EZH2: variants seen among roughly 807,000 people sequenced by gnomAD.
EZH2 encodes enhancer of zeste 2 polycomb repressive complex 2 subunit, also known as histone-lysine N-methyltransferase EZH2.
In EZH2, 18 loss-of-function variants were observed where a neutral mutation model predicts 98.4. The observed-to-expected ratio is 0.18, with a 90% CI of 0.13 to 0.27. The LOEUF is 0.27. EZH2 is among the 10% of genes least tolerant of loss of function. EZH2 has a pLI of 1.00. For missense variants in EZH2, 470 were observed against 935.1 expected (o/e 0.50, Z 6.49); for synonymous variants, 338 against 312.3 (o/e 1.08, Z -0.87).
At chr7:148,819,037 A>G (rs1299912882) in intron 9 of EZH2, 1 of 456,640 alleles carries the variant, frequency 2.2e-6, no homozygotes, top group Admixed American at 2.3e-5. Context: ...ATATATACCC[A>G]TTTAGTTCCT....
intron 3 of EZH2, among the ~76,000 whole-genome samples, chr7:148,833,326 G>A (rs1055325118): frequency 8.9e-4 from 135 of 151,658 alleles, no homozygotes; most frequent in African/African-American, 2.8e-3. Flanking sequence ...GCATGGTGGC[G>A]CGCGCCTGTA....
At chr7:148,848,491 A>T (rs1014167261) in intron 1 of EZH2, among the ~76,000 whole-genome samples, 6 of 152,180 alleles carry the variant, frequency 3.9e-5, no homozygotes, top group African/African-American at 1.4e-4. Context: ...TTACATAAAA[A>T]CTTCATGCAC....
At chr7:148,859,849 T>G (rs1422196885) in intron 1 of EZH2, among the ~76,000 whole-genome samples, 1 of 152,220 alleles carries the variant, frequency 6.6e-6, no homozygotes, top group Non-Finnish European at 1.5e-5. Context: ...TTTACAGAAT[T>G]TTGATCAGGC....
In EZH2 at chr7:148,826,518, A is replaced by G; in HGVS notation, c.843T>C (p.Phe281=). 6.2e-7 allele frequency: 1 copy of G among 1,606,058 alleles called. No homozygotes were observed. The highest frequency in any genetic ancestry group is 1.7e-4 in the Middle Eastern group (1 of 6,038). The part of the protein sequence containing the change: ...SVQREQSLHS[F]HTLFCRRCFK... ...AACATCGCCTACAGAAAAGCGTATG[A>G]AAGGAGTGTAAGCTTTGCTCTCTCT... Residue 281 remains phenylalanine (F), a synonymous_variant, in exon 8 of 20, where the codon TTT becomes TTC. Coordinates refer to ENST00000320356, the MANE Select transcript of EZH2 (RefSeq NM_004456.5).
At chr7:148,849,560 G>A (rs999864493) in intron 1 of EZH2, among the ~76,000 whole-genome samples, 9 of 152,166 alleles carry the variant, frequency 5.9e-5, no homozygotes, top group African/African-American at 1.9e-4. Context: ...GTGTGGCCTT[G>A]CCTGCGAGTT....
intron 1 of EZH2, among the ~76,000 whole-genome samples, chr7:148,852,658 A>G (rs1816050497): frequency 6.6e-6 from 1 of 152,200 alleles, no homozygotes; most frequent in African/African-American, 2.4e-5. Flanking sequence ...CTTGGAGAAG[A>G]GCCTCAAAGA....
intron 1 of EZH2, among the ~76,000 whole-genome samples, chr7:148,875,636 C>CA (rs1491217310): frequency 6.6e-6 from 1 of 152,190 alleles, no homozygotes. Flanking sequence ...GTAACTCCTG[C>CA]ACAGTTACAA....
intron 8 of EZH2, among the ~76,000 whole-genome samples, chr7:148,824,647 T>A (rs905937087): frequency 9.2e-5 from 14 of 152,346 alleles, no homozygotes; most frequent in Non-Finnish European, 1.8e-4. Flanking sequence ...TCTCCGTCCA[T>A]AAGTAATGCA....
At chr7:148,858,032 C>T (rs1380291129) in intron 1 of EZH2, among the ~76,000 whole-genome samples, 1 of 150,802 alleles carries the variant, frequency 6.6e-6, no homozygotes, top group African/African-American at 2.4e-5. Context: ...GTGGCTCACG[C>T]CTATAATCCC....
chr7:148,862,895 GTTTTT>G (rs914743757), intron 1 of EZH2, among the ~76,000 whole-genome samples: 1 of 149,542 alleles, frequency 6.7e-6, no homozygotes, highest in Non-Finnish European at 1.5e-5. Context: ...GTCCAACATG[GTTTTT>G]TTGTTTGTTT....
At chr7:148,811,499 C>A in intron 16 of EZH2, 126 bp downstream of exon 16, 1 of 726,338 alleles carries the variant, frequency 1.4e-6, no homozygotes, top group Non-Finnish European at 2.2e-6. Context: ...GAAGTCCAGG[C>A]TGAAAAGGCA....
chr7:148,839,053 T>TAATGAAGGAAGG (rs1811649773), intron 3 of EZH2, among the ~76,000 whole-genome samples: 1 of 107,744 alleles, frequency 9.3e-6, no homozygotes, highest in African/African-American at 3.7e-5. Context: ...CTCTGTCAAA[T>TAATGAAGGAAGG]AAGGAAGGAA....
At chr7:148,863,863 G>A (rs1450482290) in intron 1 of EZH2, among the ~76,000 whole-genome samples, 1 of 152,164 alleles carries the variant, frequency 6.6e-6, no homozygotes, top group East Asian at 1.9e-4. Context: ...TAAATCCTGT[G>A]AGAGATCTAT....
intron 1 of EZH2, among the ~76,000 whole-genome samples, chr7:148,851,121 G>A (rs970021044): frequency 1.3e-5 from 2 of 152,078 alleles, no homozygotes; most frequent in Admixed American, 1.3e-4. Context: ...TATCTTATCA[G>A]CATATCATTT....
chr7:148,828,692 T>G, intron 6 of EZH2, 48 bp downstream of exon 6: 1 of 1,577,144 alleles, frequency 6.3e-7, no homozygotes, highest in Non-Finnish European at 8.6e-7. Context: ...CTACTGTTTT[T>G]GAAAGAAAGC....
intron 1 of EZH2, among the ~76,000 whole-genome samples, chr7:148,848,220 T>C (rs2129485661): frequency 6.6e-6 from 1 of 152,308 alleles, no homozygotes. Context: ...AAGCCACTTT[T>C]AGTGTTTTAA....
chr7:148,813,485 TAAAC>T (rs1311415444), intron 15 of EZH2, among the ~76,000 whole-genome samples: 5 of 151,946 alleles, frequency 3.3e-5, no homozygotes, highest in Non-Finnish European at 7.4e-5. Flanking sequence ...TCAAGGTTAT[TAAAC>T]AAACAGGAAG....
At chr7:148,853,246 T>C (rs1816178409) in intron 1 of EZH2, among the ~76,000 whole-genome samples, 1 of 152,144 alleles carries the variant, frequency 6.6e-6, no homozygotes, top group South Asian at 2.1e-4. Flanking sequence ...ACCCTGTTTC[T>C]ACTAAAAATA....
chr7:148,841,980 T>C (rs1471598795), intron 3 of EZH2, among the ~76,000 whole-genome samples: 2 of 152,158 alleles, frequency 1.3e-5, no homozygotes, highest in African/African-American at 4.8e-5. Flanking sequence ...TCTGTAAATA[T>C]TTAAAAGTCC....
Sources: gnomAD v4.1 joint callset for allele counts (sites outside exome capture counted in the v4.1 genomes callset) on GRCh38, gnomAD v4.1.1 for gene constraint, MANE v1.5 for transcripts, NCBI Gene and HGNC (gene_info 2026-07-23, HGNC 2026-07-21) for gene names.